ZNF804B: variants seen among roughly 807,000 people sequenced by gnomAD.
ZNF804B encodes the protein zinc finger protein 804B, also known as zinc finger 804B.
Under a neutral mutation model 101.4 loss-of-function variants are expected in ZNF804B, and 80 were observed. The ratio of observed to expected loss-of-function variants is 0.79; its 90% CI spans 0.66 to 0.95. The LOEUF (loss-of-function observed/expected upper bound fraction) is 0.95. Among genes scored for constraint, ZNF804B ranks in the 40% least tolerant of loss-of-function variants. The pLI is 0.00. For missense variants in ZNF804B, 1,673 were observed against 1,561.9 expected, an observed-to-expected ratio of 1.07 and a Z score of -1.20; for synonymous variants, 622 against 558.8, an observed-to-expected ratio of 1.11 and a Z score of -1.59.
At chr7:88,819,191 G>A (rs1374325379) in intron 1 of ZNF804B, among the ~76,000 whole-genome samples, 1 of 151,864 alleles carries the variant, frequency 6.6e-6, no homozygotes, top group Non-Finnish European at 1.5e-5. Flanking sequence ...TGGCGCGATC[G>A]TGGCTCACTG....
At chr7:88,911,491 A>G (rs1363322876) in intron 1 of ZNF804B, among the ~76,000 whole-genome samples, 2 of 148,900 alleles carry the variant, frequency 1.3e-5, no homozygotes, top group African/African-American at 4.9e-5. Flanking sequence ...TTATATTTAT[A>G]CCAACATTAT....
At chr7:88,877,051 T>TAATATATA (rs1791963315) in intron 1 of ZNF804B, among the ~76,000 whole-genome samples, 1 of 40,530 alleles carries the variant, frequency 2.5e-5, no homozygotes, top group African/African-American at 1.8e-4. Context: ...ATATATATAT[T>TAATATATA]TTTTTTTTTT....
At chr7:89,328,947 G>C (rs1790935589) in intron 3 of ZNF804B, among the ~76,000 whole-genome samples, 1 of 151,732 alleles carries the variant, frequency 6.6e-6, no homozygotes, top group African/African-American at 2.4e-5. Context: ...CAGTGGTCAT[G>C]GTGATGGTGA....
At chr7:89,070,098 C>A (rs961830222) in intron 1 of ZNF804B, among the ~76,000 whole-genome samples, 3 of 152,138 alleles carry the variant, frequency 2.0e-5, no homozygotes, top group African/African-American at 7.2e-5. Flanking sequence ...CAATTAACAG[C>A]AAACAAATCA....
At chr7:88,807,069 A>G (rs1428959450) in intron 1 of ZNF804B, among the ~76,000 whole-genome samples, 1 of 152,212 alleles carries the variant, frequency 6.6e-6, no homozygotes, top group East Asian at 1.9e-4. Context: ...TGAAAAATCC[A>G]TATCTTTTTT....
At chr7:88,908,740 A>G (rs1792507319) in intron 1 of ZNF804B, among the ~76,000 whole-genome samples, 1 of 151,818 alleles carries the variant, frequency 6.6e-6, no homozygotes, top group South Asian at 2.1e-4. Context: ...ACTATTTTTA[A>G]AGATTTATTC....
intron 1 of ZNF804B, among the ~76,000 whole-genome samples, chr7:88,801,015 ACTGT>A (rs113518640): frequency 0.26 from 39,664 of 151,720 alleles, 5,694 homozygotes; most frequent in East Asian, 0.4. Flanking sequence ...TCAAACCCTG[ACTGT>A]CTATTAGAAT....
At chr7:88,915,740 G>T (rs17165330) in intron 1 of ZNF804B, among the ~76,000 whole-genome samples, 28,402 of 151,556 alleles carry the variant, frequency 0.19, 2,860 homozygotes, top group African/African-American at 0.28. Context: ...AAACAGGGAA[G>T]AATTGGAAGA....
chr7:89,281,184 T>A (rs1439134026), intron 2 of ZNF804B, among the ~76,000 whole-genome samples: 2 of 152,210 alleles, frequency 1.3e-5, no homozygotes, highest in African/African-American at 4.8e-5. Context: ...CTATAGATGA[T>A]AAGTTGGCAT....
chr7:89,300,409 C>A (rs1420908230), intron 2 of ZNF804B, among the ~76,000 whole-genome samples: 1 of 151,558 alleles, frequency 6.6e-6, no homozygotes, highest in Non-Finnish European at 1.5e-5. Context: ...ATACTTCATG[C>A]ACTTAATGAC....
At chr7:88,787,381 A>G (rs1233795717) in intron 1 of ZNF804B, among the ~76,000 whole-genome samples, 2 of 151,980 alleles carry the variant, frequency 1.3e-5, no homozygotes, top group African/African-American at 4.8e-5. Context: ...TTAACCAAAT[A>G]GTGAACTCTG....
At chr7:88,966,281 A>G (rs1269948837) in intron 1 of ZNF804B, among the ~76,000 whole-genome samples, 2 of 151,608 alleles carry the variant, frequency 1.3e-5, no homozygotes, top group Non-Finnish European at 3.0e-5. Flanking sequence ...TGTATGTGCA[A>G]TAAAACCAGC....
At chr7:89,283,358 A>G (rs977969284) in intron 2 of ZNF804B, among the ~76,000 whole-genome samples, 6 of 152,238 alleles carry the variant, frequency 3.9e-5, no homozygotes, top group Non-Finnish European at 5.9e-5. Context: ...CAATGATCAC[A>G]TAATACTTGG....
chr7:89,314,259 C>T (rs1190145215), intron 2 of ZNF804B, among the ~76,000 whole-genome samples: 1 of 152,120 alleles, frequency 6.6e-6, no homozygotes, highest in African/African-American at 2.4e-5. Flanking sequence ...CCATTTCTTA[C>T]ATAAAATTGA....
chr7:89,228,809 G>A (rs1385857645), intron 2 of ZNF804B, among the ~76,000 whole-genome samples: 1 of 152,194 alleles, frequency 6.6e-6, no homozygotes, highest in African/African-American at 2.4e-5. Context: ...GGGCGCTATG[G>A]AGCAGGGGGT....
rs1584021232 is a variant in ZNF804B, at chr7:89,156,070, T to TTCTTTCTC, written c.109-62082_109-62081insTTCTCTCT. 3.3e-5 allele frequency among the ~76,000 whole-genome samples: 3 copies of TTCTTTCTC among 91,448 alleles called. No homozygotes were observed. The East Asian group carries it at 7.2e-4, about 22-fold the overall frequency. The allele number at this position is 91,448 out of a possible 152,430, so 60.0% of individuals were successfully genotyped here. On this transcript the variant is annotated intron_variant, in intron 1 of 3. Transcript: ENST00000333190. The stretch of plus-strand genomic sequence containing the variant: ...TTTCTTTCTTTCTTTCTTTCTTTCT[T>TTCTTTCTC]TCTCTCTTTCTCTCTTTCCTTTCTT...
chr7:89,183,857 C>T (rs546701853), intron 1 of ZNF804B, among the ~76,000 whole-genome samples: 13 of 152,104 alleles, frequency 8.5e-5, no homozygotes, highest in Non-Finnish European at 1.9e-4. Context: ...TGTCGGGAGG[C>T]ATGAGTCATT....
At chr7:88,983,124 T>G (rs905344752) in intron 1 of ZNF804B, among the ~76,000 whole-genome samples, 9 of 152,058 alleles carry the variant, frequency 5.9e-5, no homozygotes, top group Non-Finnish European at 8.8e-5. Flanking sequence ...GCACCAATGC[T>G]CAGACCCTCA....
intron 1 of ZNF804B, among the ~76,000 whole-genome samples, chr7:88,881,138 G>A (rs1304163525): frequency 6.6e-6 from 1 of 151,954 alleles, no homozygotes; most frequent in African/African-American, 2.4e-5. Flanking sequence ...ATGATAGAAG[G>A]TTTAGGATTC....
Sources: allele counts gnomAD v4.1 joint callset (sites outside exome capture counted in the v4.1 genomes callset), GRCh38; gene constraint gnomAD v4.1.1; transcripts MANE v1.5; gene names NCBI Gene and HGNC (gene_info 2026-07-23, HGNC 2026-07-21).